TSPAN8: variants seen among roughly 807,000 people sequenced by gnomAD.
The protein encoded by TSPAN8 is tetraspanin-8.
Under a neutral mutation model 32.8 loss-of-function variants are expected in TSPAN8, and 21 were observed. The observed-to-expected ratio is 0.64, with a 90% CI of 0.45 to 0.92. The LOEUF is 0.92. Among genes scored for constraint, TSPAN8 ranks in the 40% least tolerant of loss-of-function variants. The probability of loss-of-function intolerance (pLI) is 0.00; values close to 1 mark genes in which losing one functional copy is unlikely to be tolerated. For synonymous variants in TSPAN8, 95 were observed against 94.6 expected (o/e 1.00, Z -0.03); for missense variants, 269 against 281.9 (o/e 0.95, Z 0.33).
intron 2 of TSPAN8, among the ~76,000 whole-genome samples, chr12:71,151,422 A>G (rs1872252765): frequency 6.6e-6 from 1 of 152,122 alleles, no homozygotes; most frequent in Non-Finnish European, 1.5e-5. Context: ...TTTTTAAATA[A>G]CTCTAAATTT....
intron 2 of TSPAN8, among the ~76,000 whole-genome samples, chr12:71,154,046 T>G (rs1872342203): frequency 1.3e-5 from 2 of 152,026 alleles, no homozygotes. Context: ...CGGTGCCTCA[T>G]CCCTGTAATC....
At chr12:71,153,516 T>G (rs970970456) in intron 2 of TSPAN8, among the ~76,000 whole-genome samples, 1 of 152,278 alleles carries the variant, frequency 6.6e-6, no homozygotes, top group African/African-American at 2.4e-5. Flanking sequence ...ACATCGGCTC[T>G]ACTTTGCAAA....
chr12:71,138,624 A>C (rs1297532302), intron 4 of TSPAN8, among the ~76,000 whole-genome samples: 1 of 152,206 alleles, frequency 6.6e-6, no homozygotes, highest in Non-Finnish European at 1.5e-5. Context: ...ATTCAGAATC[A>C]CCTGGCATCT....
chr12:71,132,849 A>C, intron 6 of TSPAN8, 25 bp from the exon 7 acceptor site: 1 of 1,613,138 alleles, frequency 6.2e-7, no homozygotes, highest in Non-Finnish European at 8.5e-7. Context: ...GTAGAATGAG[A>C]AGCAGTCAGT....
At chr12:71,157,324 A>C (rs1872475398) in intron 2 of TSPAN8, 1 of 324,588 alleles carries the variant, frequency 3.1e-6, no homozygotes, top group African/African-American at 2.1e-5. Context: ...AACTAAGGAA[A>C]ATTGTCCTTT....
At chr12:71,141,838 A>T (rs552926797) in intron 3 of TSPAN8, among the ~76,000 whole-genome samples, 1 of 152,300 alleles carries the variant, frequency 6.6e-6, no homozygotes, top group East Asian at 1.9e-4. Context: ...CAAGGGGAGA[A>T]TTTCTAAAGA....
intron 2 of TSPAN8, among the ~76,000 whole-genome samples, chr12:71,156,259 A>C (rs986277404): frequency 9.3e-6 from 1 of 107,316 alleles, no homozygotes; most frequent in African/African-American, 3.8e-5. Flanking sequence ...CCAAAAAAAA[A>C]AAAAAAAAAC....
chr12:71,143,530 C>T (rs1402360397), intron 3 of TSPAN8, among the ~76,000 whole-genome samples: 5 of 152,124 alleles, frequency 3.3e-5, no homozygotes, highest in Non-Finnish European at 5.9e-5. Flanking sequence ...GGGTCATGTT[C>T]ATCTTATACA....
intron 8 of TSPAN8, among the ~76,000 whole-genome samples, chr12:71,127,300 A>G (rs549162988): frequency 6.6e-6 from 1 of 151,906 alleles, no homozygotes; most frequent in African/African-American, 2.4e-5. Context: ...TTTTGGATAC[A>G]TAATTTATAG....
intron 8 of TSPAN8, among the ~76,000 whole-genome samples, chr12:71,126,655 T>C (rs1871358045): frequency 6.6e-6 from 1 of 152,128 alleles, no homozygotes; most frequent in Admixed American, 6.6e-5. Flanking sequence ...TATGCAGCAG[T>C]CTAAAAAAAT....
intron 7 of TSPAN8, among the ~76,000 whole-genome samples, chr12:71,131,176 A>T (rs934599887): frequency 3.3e-5 from 5 of 152,096 alleles, no homozygotes; most frequent in African/African-American, 1.2e-4. Flanking sequence ...CTCTATATTT[A>T]TTTCCCCTTT....
chr12:71,153,046 T>C (rs898723657), intron 2 of TSPAN8, among the ~76,000 whole-genome samples: 3 of 152,196 alleles, frequency 2.0e-5, no homozygotes, highest in Non-Finnish European at 4.4e-5. Flanking sequence ...TTGGGATTGA[T>C]AGTGTACCTC....
Position 71,138,217 on chromosome 12 carries a change from A to C in TSPAN8, c.275T>G (p.Leu92Trp), listed in dbSNP as rs762533629. Reference protein sequence around the residue: ...RCMLLLFFIGLLLILLLQVAT... With the variant: ...RCMLLLFFIGWLLILLLQVAT... ...CACCTGCAGGAGCAGGATCAGAAGC[A>C]AGCCTATGAAAAACTGAAGAAGAGA... The change falls in exon 5 of 9, where the codon TTG (leucine) becomes TGG (tryptophan). Residue 92 changes from leucine to tryptophan, a missense_variant. By Grantham distance (61) the Leu-to-Trp change is moderately conservative. Coordinates refer to ENST00000247829, the MANE Select transcript of TSPAN8 (RefSeq NM_004616.3). 6.8e-6 allele frequency: 11 copies of C among 1,613,586 alleles called. No individual in the cohort carries two copies. In the African/African-American group the frequency reaches 1.5e-4, roughly 22 times the overall value.
Position 71,126,572 on chromosome 12 carries a change from A to G in TSPAN8, c.661-1185T>C, listed in dbSNP as rs1871355561. Among the ~76,000 whole-genome samples the G allele has an allele frequency of 2.0e-5, 3 of 152,180 alleles. No individual in the cohort carries two copies. In the East Asian group the frequency reaches 5.8e-4, roughly 29 times the overall value. ...AAAAGAACATTTATGATTGTTCAAA[A>G]AAAAGCACATAATTAAAAGAGATTT... On this transcript the variant is annotated intron_variant, in intron 8 of 8. Coordinates refer to ENST00000247829, the MANE Select transcript of TSPAN8 (RefSeq NM_004616.3).
Position 71,152,139 on chromosome 12 carries a change from G to T in TSPAN8, c.60+5480C>A, listed in dbSNP as rs962753441. ...TTAGTTAATGTTTCAAATTAATCCT[G>T]CCAGGTAAAGTGATCATTTTTATTT... On this transcript the variant is annotated intron_variant, in intron 2 of 8. Coordinates refer to ENST00000247829, the MANE Select transcript of TSPAN8 (RefSeq NM_004616.3). Among the ~76,000 whole-genome samples, 5 of 152,312 alleles carry T rather than the reference G, an allele frequency of 3.3e-5. No individual in the cohort carries two copies. The East Asian group carries it at 9.6e-4, about 29-fold the overall frequency.
intron 2 of TSPAN8, among the ~76,000 whole-genome samples, chr12:71,150,503 C>T (rs544456350): frequency 1.3e-3 from 183 of 142,134 alleles, no homozygotes; most frequent in South Asian, 3.2e-3. Context: ...GCATCACGGT[C>T]CTACTGATAT....
intron 6 of TSPAN8, among the ~76,000 whole-genome samples, chr12:71,133,177 T>C (rs1174056319): frequency 6.6e-6 from 1 of 152,042 alleles, no homozygotes; most frequent in Non-Finnish European, 1.5e-5. Flanking sequence ...TCCAACTCCC[T>C]GGTTCAAGGG....
intron 8 of TSPAN8, among the ~76,000 whole-genome samples, chr12:71,127,059 G>C (rs1182749199): frequency 1.3e-5 from 2 of 151,922 alleles, no homozygotes; most frequent in Non-Finnish European, 2.9e-5. Flanking sequence ...AATATGGGGC[G>C]GTCTTTTTTT....
At chr12:71,156,270 A>AC (rs1872434481) in intron 2 of TSPAN8, among the ~76,000 whole-genome samples, 1 of 41,116 alleles carries the variant, frequency 2.4e-5, no homozygotes, top group African/African-American at 9.2e-5. Flanking sequence ...AAAAAAAAAC[A>AC]AACAAAAAAA....
Sources: allele counts gnomAD v4.1 joint callset (sites outside exome capture counted in the v4.1 genomes callset), GRCh38; gene constraint gnomAD v4.1.1; transcripts MANE v1.5; gene names NCBI Gene and HGNC (gene_info 2026-07-23, HGNC 2026-07-21).